The following SACS variants were observed in gnomAD, a reference collection of about 807,000 sequenced individuals.
SACS encodes the protein sacsin molecular chaperone, also known as sacsin.
A neutral mutation model predicts 348.0 loss-of-function variants in SACS; 197 were observed. The ratio of observed to expected loss-of-function variants is 0.57; its 90% confidence interval spans 0.50 to 0.64. The LOEUF is 0.64. Among genes scored for constraint, SACS ranks in the 30% least tolerant of loss-of-function variants. The probability of loss-of-function intolerance (pLI) is 0.00; values close to 1 mark genes in which losing one functional copy is unlikely to be tolerated. For missense variants in SACS, 4,999 were observed against 5,360.8 expected (o/e 0.93, Z 2.11); for synonymous variants, 1,985 against 1,910.6 (o/e 1.04, Z -1.02).
At chr13:23,381,896 T>C (rs1177603029) in intron 2 of SACS, among the ~76,000 whole-genome samples, 1 of 152,216 alleles carries the variant, frequency 6.6e-6, no homozygotes, top group Non-Finnish European at 1.5e-5. Context: ...CACAGTAACT[T>C]GGAAAAATGA....
chr13:23,381,398 C>G (rs1244099979), intron 2 of SACS, among the ~76,000 whole-genome samples: 7 of 150,472 alleles, frequency 4.7e-5, no homozygotes, highest in Admixed American at 4.6e-4. Flanking sequence ...CACACACAGG[C>G]AAACACTCTG....
chr13:23,418,124 G>A (rs939263728), intron 1 of SACS, among the ~76,000 whole-genome samples: 1 of 150,046 alleles, frequency 6.7e-6, no homozygotes, highest in Admixed American at 6.6e-5. Flanking sequence ...CCTAAGGCAA[G>A]CTATATAAAA....
chr13:23,419,199 G>A (rs973835272), intron 1 of SACS: 7 of 152,374 alleles, frequency 4.6e-5, no homozygotes. Flanking sequence ...TGGGCGGACA[G>A]GCACGGGAGC....
In SACS at chr13:23,411,317, G is replaced by A. The variant is rs1873472807; in HGVS notation, c.-78C>T. ...TCTTCTGTTTAAGTCTTCCCTCTGT[G>A]CTTCCTTTAAATGTGTACTCCAAGT... On this transcript the variant is annotated 5_prime_UTR_variant, in exon 2 of 10. Transcript: ENST00000382292. 5.8e-6 allele frequency: 8 copies of A among 1,374,052 alleles called. No homozygotes were observed. The African/African-American group carries it at 8.5e-5, about 15-fold the overall frequency. The allele number at this position is 1,374,052 out of a possible 1,614,324, so 85.1% of individuals were successfully genotyped here. A position where few individuals can be genotyped will look rare whatever the true frequency, so the allele number is the denominator to read the frequency against.
chr13:23,398,121 G>A (rs1192688756), intron 2 of SACS, among the ~76,000 whole-genome samples: 1 of 152,034 alleles, frequency 6.6e-6, no homozygotes, highest in Non-Finnish European at 1.5e-5. Context: ...AACCCAGGAG[G>A]TGGAGGTTGC....
Position 23,333,672 on chromosome 13 carries a change from C to G in SACS, c.10204G>C (p.Asp3402His). The G allele has an allele frequency of 1.2e-6, 2 of 1,613,738 alleles. No individual in the cohort carries two copies. The highest frequency in any genetic ancestry group is 8.5e-7 in the Non-Finnish European group (1 of 1,179,754). ...NCNLNHLMSQ[D>H]DIKILKSLPC... ...AGTGACTTTAGAATTTTTATATCAT[C>G]TTGGGACATCAAATGATTCAAATTG... Residue 3402 changes from aspartate (D) to histidine (H), a missense_variant, in exon 10 of 10, where the codon GAT becomes CAT. Coordinates refer to ENST00000382292, the MANE Select transcript of SACS (RefSeq NM_014363.6).
chr13:23,385,664 G>A (rs922032321), intron 2 of SACS, among the ~76,000 whole-genome samples: 2 of 152,090 alleles, frequency 1.3e-5, no homozygotes, highest in East Asian at 1.9e-4. Flanking sequence ...GGCCAATCAT[G>A]GATGTTCTTA....
Position 23,332,512 on chromosome 13 carries a change from A to T in SACS, c.11364T>A (p.Arg3788=). 6.2e-7 allele frequency: 1 copy of T among 1,613,964 alleles called. No homozygotes were observed. Among genetic ancestry groups the T allele is most frequent in the Non-Finnish European group, 8.5e-7 (1 of 1,179,898 alleles). ...EFLSAEKREF[R]FQLRGVAFVM... Reference sequence around the variant, plus strand: ...CAAAAGCAACCCCTCGCAACTGAAAACGAAATTCCCTTTTTTCTGCACTGA... The same window carrying T: ...CAAAAGCAACCCCTCGCAACTGAAATCGAAATTCCCTTTTTTCTGCACTGA... The change falls in exon 10 of 10, where the codon CGT becomes CGA. Residue 3788 remains arginine (R), a synonymous_variant. Transcript: ENST00000382292.
At chr13:23,347,051 G>A (rs1310392912) in intron 9 of SACS, among the ~76,000 whole-genome samples, 5 of 152,122 alleles carry the variant, frequency 3.3e-5, no homozygotes, top group East Asian at 3.9e-4. Context: ...ATCGAAGTAC[G>A]TAAGAGTCAG....
intron 2 of SACS, among the ~76,000 whole-genome samples, chr13:23,398,198 T>C (rs919216183): frequency 6.9e-6 from 1 of 145,424 alleles, no homozygotes; most frequent in Non-Finnish European, 1.5e-5. Flanking sequence ...TCTCAAAAAA[T>C]AAAATAAAAT....
rs745653286 is a variant in SACS, at chr13:23,338,179, G to T, written c.5697C>A (p.Ile1899=). 2 of 1,614,080 alleles carry T rather than the reference G, an allele frequency of 1.2e-6. No individual in the cohort carries two copies. The highest frequency in any genetic ancestry group is 1.7e-6 in the Non-Finnish European group (2 of 1,180,004). ...CFAVTSNRKE[I]WKTDTKGRWN... Reference sequence around the variant, plus strand: ...ATCGTCCTTTTGTATCTGTTTTCCAGATTTCTTTCCTATTTGATGTAACAG... The same window carrying T: ...ATCGTCCTTTTGTATCTGTTTTCCATATTTCTTTCCTATTTGATGTAACAG... Residue 1899 remains isoleucine, a synonymous_variant, in exon 10 of 10, where the codon ATC becomes ATA. Transcript: ENST00000382292.
rs150018812 is a variant in SACS at position 23,337,598 on chromosome 13, C to T, written c.6278G>A (p.Arg2093His). 7.1e-5 allele frequency: 114 copies of T among 1,613,660 alleles called. No homozygotes were observed. Among genetic ancestry groups the T allele is most frequent in the South Asian group, 3.4e-4 (31 of 91,068 alleles). ...GGAACAAGGAATACATGGAGTAACACGAAGAACTCCCGAGAACTCATCAAC... is the reference window on the plus strand; with the variant it reads ...GGAACAAGGAATACATGGAGTAACATGAAGAACTCCCGAGAACTCATCAAC... ...EKVDEFSGVL[R>H]VTPCIPCSLE... Residue 2093 changes from arginine to histidine, a missense_variant, in exon 10 of 10, where the codon CGT becomes CAT. Transcript: ENST00000382292.
chr13:23,355,676 A>G lies in SACS; in HGVS notation c.936T>C (p.Ser312=), dbSNP rs746125003. ...GGACATATAAGGAAACATCCTGCACACTTTTCAGAAAGAGCAGCACTGTGT... is the reference window on the plus strand; with the variant it reads ...GGACATATAAGGAAACATCCTGCACGCTTTTCAGAAAGAGCAGCACTGTGT... ...DADTVLLFLK[S]VQDVSLYVRE... The change falls in exon 8 of 10, where the codon AGT becomes AGC. Residue 312 remains serine, a synonymous_variant. Transcript: ENST00000382292. 1 of 1,614,172 alleles carries G rather than the reference A, an allele frequency of 6.2e-7. No homozygotes were observed. Among genetic ancestry groups the G allele is most frequent in the Admixed American group, 1.7e-5 (1 of 60,022 alleles).
At chr13:23,410,741 A>G (rs1443974608) in intron 2 of SACS, among the ~76,000 whole-genome samples, 1 of 152,196 alleles carries the variant, frequency 6.6e-6, no homozygotes, top group Non-Finnish European at 1.5e-5. Flanking sequence ...CTTATAAGAT[A>G]GCAACTAAAT....
Position 23,355,925 on chromosome 13 carries a change from T to A in SACS, c.687A>T (p.Gln229His). The A allele has an allele frequency of 6.2e-7, 1 of 1,614,158 alleles. No individual in the cohort carries two copies. Among genetic ancestry groups the A allele is most frequent in the Non-Finnish European group, 8.5e-7 (1 of 1,179,998 alleles). The change falls in exon 8 of 10, where the codon CAA becomes CAT. Residue 229 changes from glutamine (Q) to histidine (H), a missense_variant. Gln to His is a conservative substitution (Grantham distance 24). Transcript: ENST00000382292. ...TGCTGTCATCTTTGAGATTCCAACA[T>A]TGGCCTGATTCATGTGGGCCAAAAA... ...QTLFGPHESG[Q>H]CWNLKDDSKE...
chr13:23,405,189 C>T (rs1873153388), intron 2 of SACS, among the ~76,000 whole-genome samples: 1 of 152,192 alleles, frequency 6.6e-6, no homozygotes, highest in African/African-American at 2.4e-5. Context: ...GCCAAAACAG[C>T]ATGGTACTGG....
Position 23,338,022 on chromosome 13 carries a change from C to T in SACS, c.5854G>A (p.Val1952Ile). Residue 1952 changes from valine (V) to isoleucine (I), a missense_variant, in exon 10 of 10, where the codon GTT becomes ATT. By Grantham distance (29) the Val-to-Ile change is conservative. Around this residue, in one of 6 missense-constraint regions of SACS, gnomAD observed 3,156 missense variants for 3,380.1 expected, o/e 0.93. Transcript: ENST00000382292. ...YYAVWPDPDLVHDDFSVICQG... is the reference protein window; with the variant it reads ...YYAVWPDPDLIHDDFSVICQG... ...CAAATTACAGAAAAATCATCATGAA[C>T]TAAATCAGGATCGGGCCATACTGCA... 1 of 1,613,862 alleles carries T rather than the reference C, an allele frequency of 6.2e-7. No individual in the cohort carries two copies. The highest frequency in any genetic ancestry group is 1.1e-5 in the South Asian group (1 of 91,068).
At chr13:23,422,643 G>A (rs2137999960) in intron 1 of SACS, among the ~76,000 whole-genome samples, 1 of 145,424 alleles carries the variant, frequency 6.9e-6, no homozygotes, top group Middle Eastern at 3.5e-3. Flanking sequence ...GTGCAAAGAT[G>A]CTTTGTGATG....
rs372324226 is a variant in SACS, at chr13:23,330,926, G to A, written c.12950C>T (p.Ala4317Val). ...TCGTTCCGATTCTGGAAGCTTCCAT[G>A]CTTGCTCCACCACAGATGTCACTTC... Reference protein sequence around the residue: ...LKEVTSVVEQAWKLPESERKK... With the variant: ...LKEVTSVVEQVWKLPESERKK... The change falls in exon 10 of 10, where the codon GCA becomes GTA. Residue 4317 changes from alanine (A) to valine (V), a missense_variant. Coordinates refer to ENST00000382292, the MANE Select transcript of SACS (RefSeq NM_014363.6). 3.1e-6 allele frequency: 5 copies of A among 1,614,084 alleles called. No individual in the cohort carries two copies. The highest frequency in any genetic ancestry group is 4.2e-6 in the Non-Finnish European group (5 of 1,179,998).
Sources: allele counts gnomAD v4.1 joint callset (sites outside exome capture counted in the v4.1 genomes callset), GRCh38; gene constraint gnomAD v4.1.1; regional missense constraint gnomAD v4.1.1; transcripts MANE v1.5; gene names NCBI Gene and HGNC (gene_info 2026-07-23, HGNC 2026-07-21).